Variants in ZNF609 observed in about 807,000 individuals in gnomAD.
The protein encoded by ZNF609 is zinc finger protein 609.
ZNF609 carries 11 observed loss-of-function variants against 109.5 expected under a neutral mutation model. The ratio of observed to expected loss-of-function variants is 0.10; its 90% CI spans 0.06 to 0.17. The LOEUF (loss-of-function observed/expected upper bound fraction) is 0.17, where lower values mean the gene tolerates loss of function less well. Ranked by LOEUF, ZNF609 falls within the 10% of genes least tolerant of loss-of-function variation. The probability of loss-of-function intolerance (pLI) is 1.00; values close to 1 mark genes in which losing one functional copy is unlikely to be tolerated. For synonymous variants in ZNF609, 646 were observed against 662.0 expected (o/e 0.98, Z 0.37); for missense variants, 1,559 against 1,772.4 (o/e 0.88, Z 2.16).
chr15:64,645,560 A>T (rs1896323604), intron 3 of ZNF609, among the ~76,000 whole-genome samples: 1 of 152,326 alleles, frequency 6.6e-6, no homozygotes, highest in South Asian at 2.1e-4. Context: ...ATCAAAACTA[A>T]TAACTTTTGT....
intron 2 of ZNF609, among the ~76,000 whole-genome samples, chr15:64,555,430 A>C (rs1279135509): frequency 1.3e-5 from 2 of 152,070 alleles, no homozygotes; most frequent in African/African-American, 4.8e-5. Flanking sequence ...TTTGGAGGCC[A>C]AGGCGTGTGG....
At chr15:64,462,669 A>G (rs1892960539) in intron 1 of ZNF609, among the ~76,000 whole-genome samples, 1 of 152,240 alleles carries the variant, frequency 6.6e-6, no homozygotes, top group Non-Finnish European at 1.5e-5. Context: ...CTGGTCAATA[A>G]TAATAGCACA....
intron 2 of ZNF609, among the ~76,000 whole-genome samples, chr15:64,516,929 C>G (rs1893820268): frequency 6.6e-6 from 1 of 152,130 alleles, no homozygotes; most frequent in South Asian, 2.1e-4. Flanking sequence ...AAATTTTCAC[C>G]AGGTTCCAGC....
chr15:64,677,806 C>T (rs1232241717), intron 5 of ZNF609, among the ~76,000 whole-genome samples: 2 of 152,160 alleles, frequency 1.3e-5, no homozygotes, highest in African/African-American at 4.8e-5. Context: ...GCAGCCTCTC[C>T]TATTTCAGTC....
intron 1 of ZNF609, among the ~76,000 whole-genome samples, chr15:64,487,498 A>ATT (rs1893349183): frequency 6.6e-6 from 1 of 152,148 alleles, no homozygotes; most frequent in African/African-American, 2.4e-5. Flanking sequence ...GATATAGAAC[A>ATT]TTTATTTCCA....
At chr15:64,568,052 T>A (rs1894805419) in intron 2 of ZNF609, among the ~76,000 whole-genome samples, 1 of 152,202 alleles carries the variant, frequency 6.6e-6, no homozygotes, top group African/African-American at 2.4e-5. Flanking sequence ...CTAGATTCAA[T>A]AATTGTCAAA....
intron 3 of ZNF609, among the ~76,000 whole-genome samples, chr15:64,668,271 C>T (rs879493071): frequency 6.6e-6 from 1 of 152,136 alleles, no homozygotes; most frequent in Admixed American, 6.5e-5. Context: ...TTTCCCTATT[C>T]CTCCCCTAAA....
At chr15:64,649,718 G>A (rs1896387172) in intron 3 of ZNF609, among the ~76,000 whole-genome samples, 1 of 152,056 alleles carries the variant, frequency 6.6e-6, no homozygotes, top group Non-Finnish European at 1.5e-5. Flanking sequence ...TTTTGCGGGG[G>A]AGGGGTTGCT....
intron 2 of ZNF609, among the ~76,000 whole-genome samples, chr15:64,525,445 A>G (rs115863815): frequency 0.011 from 1,741 of 152,282 alleles, 39 homozygotes; most frequent in African/African-American, 0.04. Context: ...CAACATATCT[A>G]TCCTTATGGC....
At chr15:64,589,243 T>TAGCCA (rs1413332382) in intron 2 of ZNF609, among the ~76,000 whole-genome samples, 1 of 152,136 alleles carries the variant, frequency 6.6e-6, no homozygotes, top group African/African-American at 2.4e-5. Context: ...GATGGTTTAG[T>TAGCCA]AGCCAACTTC....
At chr15:64,513,595 C>T (rs1199468040) in intron 2 of ZNF609, among the ~76,000 whole-genome samples, 2 of 152,158 alleles carry the variant, frequency 1.3e-5, no homozygotes, top group East Asian at 1.9e-4. Flanking sequence ...CATACTGGCT[C>T]CATGAATTCA....
intron 2 of ZNF609, among the ~76,000 whole-genome samples, chr15:64,589,181 G>C (rs571362012): frequency 1.3e-5 from 2 of 152,232 alleles, no homozygotes; most frequent in South Asian, 4.1e-4. Flanking sequence ...CTGAAATAAG[G>C]GTGGTCTTGA....
At chr15:64,461,236 G>T in intron 1 of ZNF609, among the ~76,000 whole-genome samples, 1 of 116,462 alleles carries the variant, frequency 8.6e-6, no homozygotes, top group Admixed American at 8.3e-5. Flanking sequence ...GGCGGGGGCG[G>T]TGGTGGTTGT....
intron 2 of ZNF609, among the ~76,000 whole-genome samples, chr15:64,577,129 T>C (rs1320107586): frequency 1.1e-5 from 1 of 87,638 alleles, no homozygotes; most frequent in African/African-American, 3.7e-5. Context: ...TATGTGTATA[T>C]ATACACACAA....
chr15:64,563,565 G>A (rs1046850940), intron 2 of ZNF609, among the ~76,000 whole-genome samples: 2 of 151,964 alleles, frequency 1.3e-5, no homozygotes, highest in Non-Finnish European at 2.9e-5. Flanking sequence ...TTACCTGAAG[G>A]TCGGGAGTTC....
At chr15:64,663,086 G>T (rs1763562974) in intron 3 of ZNF609, among the ~76,000 whole-genome samples, 1 of 152,156 alleles carries the variant, frequency 6.6e-6, no homozygotes, top group Non-Finnish European at 1.5e-5. Flanking sequence ...GAAATGATAG[G>T]ATATGAGAGG....
chr15:64,536,035 T>G (rs1469208723), intron 2 of ZNF609, among the ~76,000 whole-genome samples: 1 of 151,986 alleles, frequency 6.6e-6, no homozygotes, highest in Non-Finnish European at 1.5e-5. Flanking sequence ...TCTAACTGAG[T>G]GATGTTTTTT....
At chr15:64,591,708 A>G (rs1211617957) in intron 2 of ZNF609, among the ~76,000 whole-genome samples, 2 of 151,702 alleles carry the variant, frequency 1.3e-5, no homozygotes, top group East Asian at 1.9e-4. Context: ...GTGAGGTCCT[A>G]TCTCTACTAA....
At chr15:64,625,478 C>T (rs1435789714) in intron 3 of ZNF609, among the ~76,000 whole-genome samples, 5 of 152,010 alleles carry the variant, frequency 3.3e-5, no homozygotes, top group African/African-American at 9.7e-5. Context: ...CGAGATCGCA[C>T]CATTGCACTC....
Sources: allele counts gnomAD v4.1 joint callset (sites outside exome capture counted in the v4.1 genomes callset), GRCh38; gene constraint gnomAD v4.1.1; transcripts MANE v1.5; gene names NCBI Gene and HGNC (gene_info 2026-07-23, HGNC 2026-07-21).